The following PDLIM5 variants were observed in gnomAD, a reference collection of about 807,000 sequenced individuals.
The protein encoded by PDLIM5 is PDZ and LIM domain 5.
Under a neutral mutation model 64.2 loss-of-function variants are expected in PDLIM5, and 34 were observed. The ratio of observed to expected loss-of-function variants is 0.53; its 90% CI spans 0.40 to 0.71. PDLIM5 has a LOEUF of 0.71. Among genes scored for constraint, PDLIM5 ranks in the 30% least tolerant of loss-of-function variants. The pLI is 0.00. For synonymous variants in PDLIM5, 253 were observed against 269.1 expected (o/e 0.94, Z 0.59); for missense variants, 683 against 733.6 (o/e 0.93, Z 0.80).
chr4:94,631,097 C>T (rs1740115020), intron 8 of PDLIM5, among the ~76,000 whole-genome samples: 1 of 142,530 alleles, frequency 7.0e-6, no homozygotes, highest in African/African-American at 2.6e-5. Context: ...AGATGGGGGT[C>T]TCACTGTGTT....
chr4:94,614,312 G>T (rs1197164446), intron 7 of PDLIM5, among the ~76,000 whole-genome samples: 1 of 151,962 alleles, frequency 6.6e-6, no homozygotes, highest in East Asian at 1.9e-4. Context: ...ACAAGGTCTT[G>T]CCGTGTTGCC....
At chr4:94,530,023 T>A (rs1340630996) in intron 3 of PDLIM5, among the ~76,000 whole-genome samples, 1 of 152,186 alleles carries the variant, frequency 6.6e-6, no homozygotes, top group East Asian at 1.9e-4. Context: ...GTATTAGAAC[T>A]GGTTTCTATG....
At chr4:94,582,898 T>C in intron 5 of PDLIM5, 1 of 594,710 alleles carries the variant, frequency 1.7e-6, no homozygotes, top group East Asian at 2.8e-5. Flanking sequence ...TAATTTTGTA[T>C]GCATCAGAGG....
rs1217901302 is a variant in PDLIM5 at position 94,640,370 on chromosome 4, G to A, written c.1203G>A (p.Gln401=). Residue 401 remains glutamine (Q), a synonymous_variant, in exon 9 of 13, where the codon CAG becomes CAA. Transcript: ENST00000317968. Reference sequence around the variant, plus strand: ...TGGGACAAACCCAGCCAAGTGACCAGGACACTTTAGTGCAAAGAGCTGAGC... The same window carrying A: ...TGGGACAAACCCAGCCAAGTGACCAAGACACTTTAGTGCAAAGAGCTGAGC... ...SALGQTQPSD[Q]DTLVQRAEHI... is the part of the protein sequence containing the mutation. The A allele has an allele frequency of 2.5e-6, 4 of 1,613,404 alleles. No homozygotes were observed. Among genetic ancestry groups the A allele is most frequent in the Non-Finnish European group, 3.4e-6 (4 of 1,179,466 alleles).
intron 7 of PDLIM5, among the ~76,000 whole-genome samples, chr4:94,595,141 A>G (rs1736967267): frequency 6.6e-6 from 1 of 152,198 alleles, no homozygotes; most frequent in South Asian, 2.1e-4. Context: ...TGTCACAAGA[A>G]CAGCATGGGA....
intron 2 of PDLIM5, among the ~76,000 whole-genome samples, chr4:94,502,984 A>G (rs1728067663): frequency 6.6e-6 from 1 of 152,222 alleles, no homozygotes; most frequent in African/African-American, 2.4e-5. Flanking sequence ...TACTAGCCAT[A>G]TATTTTGCAG....
At chr4:94,557,565 G>A (rs1037728315) in intron 3 of PDLIM5, among the ~76,000 whole-genome samples, 2 of 152,084 alleles carry the variant, frequency 1.3e-5, no homozygotes, top group African/African-American at 2.4e-5. Context: ...ATTTGTTTGT[G>A]TCTTCTTTTA....
intron 4 of PDLIM5, 174 bp downstream of exon 4, chr4:94,573,567 C>T: frequency 2.9e-6 from 2 of 695,224 alleles, no homozygotes; most frequent in South Asian, 1.6e-5. Context: ...TCAGCACATA[C>T]CATTTGTAAT....
chr4:94,498,039 A>G lies in PDLIM5; in HGVS notation c.97-25685A>G, dbSNP rs937650748. ...GAAGAACCAAAAGAGTTATTTTCTCACTGCTTAGCTAAACCTAGATATTCA... is the reference window on the plus strand; with the variant it reads ...GAAGAACCAAAAGAGTTATTTTCTCGCTGCTTAGCTAAACCTAGATATTCA... On this transcript the variant is annotated intron_variant, in intron 2 of 12. Coordinates refer to ENST00000317968, the MANE Select transcript of PDLIM5 (RefSeq NM_006457.5). Among the ~76,000 whole-genome samples, 13 of 152,316 alleles carry G rather than the reference A, an allele frequency of 8.5e-5. 1 individual carries two copies. The East Asian group carries it at 2.5e-3, about 29-fold the overall frequency.
intron 8 of PDLIM5, among the ~76,000 whole-genome samples, chr4:94,626,185 T>C (rs1407564818): frequency 6.6e-6 from 1 of 152,178 alleles, no homozygotes; most frequent in Non-Finnish European, 1.5e-5. Flanking sequence ...TATTTGAGGA[T>C]TGGGAACTCA....
chr4:94,570,738 G>A (rs1480955245), intron 3 of PDLIM5, among the ~76,000 whole-genome samples: 1 of 152,162 alleles, frequency 6.6e-6, no homozygotes, highest in Admixed American at 6.5e-5. Flanking sequence ...TGCAATTAAA[G>A]TGATTAATGA....
At chr4:94,604,554 A>G (rs1362131926) in intron 7 of PDLIM5, among the ~76,000 whole-genome samples, 1 of 152,212 alleles carries the variant, frequency 6.6e-6, no homozygotes, top group African/African-American at 2.4e-5. Context: ...GAATCGTTTG[A>G]ACCAGGGAGG....
intron 7 of PDLIM5, 112 bp downstream of exon 7, chr4:94,586,556 A>G (rs761743949): frequency 7.7e-6 from 5 of 651,268 alleles, no homozygotes; most frequent in Non-Finnish European, 1.4e-5. Context: ...TGCAGCTAGA[A>G]GCTAAGCATT....
At chr4:94,606,521 G>T (rs1300452785) in intron 7 of PDLIM5, among the ~76,000 whole-genome samples, 2 of 152,210 alleles carry the variant, frequency 1.3e-5, no homozygotes, top group Non-Finnish European at 2.9e-5. Context: ...TTCAAAAAGA[G>T]ATGGAAGGCC....
chr4:94,539,730 A>G, intron 3 of PDLIM5, among the ~76,000 whole-genome samples: 1 of 152,160 alleles, frequency 6.6e-6, no homozygotes, highest in East Asian at 1.9e-4. Flanking sequence ...TTAAATATAG[A>G]ATTTGCTAGG....
At chr4:94,511,931 A>G (rs1728916671) in intron 2 of PDLIM5, among the ~76,000 whole-genome samples, 1 of 152,174 alleles carries the variant, frequency 6.6e-6, no homozygotes, top group South Asian at 2.1e-4. Context: ...CTGCTGCAAC[A>G]AACATGAAAG....
intron 2 of PDLIM5, among the ~76,000 whole-genome samples, chr4:94,490,498 A>C (rs1172267564): frequency 6.6e-6 from 1 of 152,144 alleles, no homozygotes; most frequent in African/African-American, 2.4e-5. Context: ...AACAGTGGAA[A>C]AAGAATTGGT....
intron 2 of PDLIM5, among the ~76,000 whole-genome samples, chr4:94,495,343 A>G (rs1373375089): frequency 1.3e-5 from 2 of 152,138 alleles, no homozygotes; most frequent in African/African-American, 4.8e-5. Context: ...TAATGACACA[A>G]CTGTGTAAGC....
intron 2 of PDLIM5, chr4:94,457,229 T>A (rs1362234300): frequency 5.8e-6 from 5 of 869,178 alleles, no homozygotes; most frequent in African/African-American, 1.8e-5. Flanking sequence ...TGGATTTTTT[T>A]AAAGTTATCT....
Sources: gnomAD v4.1 joint callset for allele counts (sites outside exome capture counted in the v4.1 genomes callset) on GRCh38, gnomAD v4.1.1 for gene constraint, MANE v1.5 for transcripts, NCBI Gene and HGNC (gene_info 2026-07-23, HGNC 2026-07-21) for gene names.